The following HAPLN1 variants were observed in gnomAD, a reference collection of about 807,000 sequenced individuals.
HAPLN1 encodes hyaluronan and proteoglycan link protein 1.
In HAPLN1, 13 loss-of-function variants were observed where a neutral mutation model predicts 36.5. That is an observed-to-expected ratio of 0.36 (90% CI 0.23 to 0.57). HAPLN1 has a LOEUF of 0.57. Among genes scored for constraint, HAPLN1 ranks in the 20% least tolerant of loss-of-function variants. HAPLN1 has a pLI of 0.83. For synonymous variants in HAPLN1, 202 were observed against 169.8 expected (o/e 1.19, Z -1.48); for missense variants, 407 against 439.7 (o/e 0.93, Z 0.66).
rs1749600587 is a variant in HAPLN1, at chr5:83,638,932, T to G, written c.*2564A>C. On this transcript the variant is annotated 3_prime_UTR_variant, in exon 5 of 5. Coordinates refer to ENST00000274341, the MANE Select transcript of HAPLN1 (RefSeq NM_001884.4). ...ACTTTGTTCCTTATATGGTCACCAG[T>G]GTTAATTATGGACAAATACATTAAA... is the stretch of plus-strand genomic sequence containing the variant. The G allele has an allele frequency of 6.6e-6, 1 of 152,040 alleles. No individual in the cohort carries two copies. The highest frequency in any genetic ancestry group is 2.4e-5 in the African/African-American group (1 of 41,440). The allele number at this position is 152,040 out of a possible 1,614,324, so 9.4% of individuals were successfully genotyped here. A position where few individuals can be genotyped will look rare whatever the true frequency, so the allele number is the denominator to read the frequency against.
At chr5:83,650,632 C>CTTTTTTTTT (rs5869195) in intron 3 of HAPLN1, among the ~76,000 whole-genome samples, 1 of 103,764 alleles carries the variant, frequency 9.6e-6, no homozygotes, top group Non-Finnish European at 1.8e-5. Context: ...AAATTCTTTT[C>CTTTTTTTTT]TTTTTTTTTT....
chr5:83,680,876 A>C (rs1052646106), intron 1 of HAPLN1, among the ~76,000 whole-genome samples: 1 of 152,186 alleles, frequency 6.6e-6, no homozygotes, highest in Non-Finnish European at 1.5e-5. Flanking sequence ...AATTATTAAA[A>C]GATAATTAAA....
At chr5:83,695,887 A>G (rs780426597) in intron 1 of HAPLN1, among the ~76,000 whole-genome samples, 2 of 151,990 alleles carry the variant, frequency 1.3e-5, no homozygotes, top group Non-Finnish European at 2.9e-5. Context: ...CGTTTTTACC[A>G]TTTACTTTAA....
chr5:83,701,343 C>T (rs1751502351), intron 1 of HAPLN1, among the ~76,000 whole-genome samples: 2 of 152,228 alleles, frequency 1.3e-5, no homozygotes, highest in South Asian at 4.1e-4. Context: ...TGCACACTGT[C>T]AGGAAGAATT....
intron 1 of HAPLN1, among the ~76,000 whole-genome samples, chr5:83,678,880 T>A (rs1047944523): frequency 6.6e-6 from 1 of 152,214 alleles, no homozygotes; most frequent in Non-Finnish European, 1.5e-5. Flanking sequence ...TGAACTATAG[T>A]TCTCAGATCC....
At chr5:83,670,994 T>G (rs755754920) in intron 2 of HAPLN1, among the ~76,000 whole-genome samples, 8 of 151,894 alleles carry the variant, frequency 5.3e-5, no homozygotes, top group East Asian at 1.9e-4. Flanking sequence ...TGCCTGGCTT[T>G]CTTTCTTTCT....
In HAPLN1 at chr5:83,648,395, C is replaced by CTATATATA. The variant is rs56115447; in HGVS notation, c.473-3738_473-3731dup. On this transcript the variant is annotated intron_variant, in intron 3 of 4. Coordinates refer to ENST00000274341, the MANE Select transcript of HAPLN1 (RefSeq NM_001884.4). ...GGATGTGGCCTCTTCCTATATTTGA[C>CTATATATA]TATATATATATATATATATATATAT... Among the ~76,000 whole-genome samples, 526 of 60,554 alleles carry CTATATATA rather than the reference C, an allele frequency of 8.7e-3. 17 individuals are homozygous for CTATATATA. Among genetic ancestry groups the CTATATATA allele is most frequent in the East Asian group, 0.015 (15 of 1,004 alleles). The allele number at this position is 60,554 out of a possible 152,430, so 39.7% of individuals were successfully genotyped here.
chr5:83,706,174 G>A (rs541106812), intron 1 of HAPLN1, among the ~76,000 whole-genome samples: 1 of 146,394 alleles, frequency 6.8e-6, no homozygotes, highest in South Asian at 2.2e-4. Context: ...GTACAAGAAA[G>A]AGCTTGTACC....
In HAPLN1 at chr5:83,685,377, G is replaced by C. The variant is rs72772921; in HGVS notation, c.-26-11828C>G. Among the ~76,000 whole-genome samples, 4,259 of 152,190 alleles carry C rather than the reference G, an allele frequency of 0.028. 276 individuals are homozygous for C. The East Asian group carries it at 0.3, about 11-fold the overall frequency. On this transcript the variant is annotated intron_variant, in intron 1 of 4. Coordinates refer to ENST00000274341, the MANE Select transcript of HAPLN1 (RefSeq NM_001884.4). ...TCCAGAATTGCACAGTATACAACCTGCACAACCGTATGCTGCAGACTTCTA... is the reference window on the plus strand; with the variant it reads ...TCCAGAATTGCACAGTATACAACCTCCACAACCGTATGCTGCAGACTTCTA...
In HAPLN1 at chr5:83,652,625, G is replaced by A; in HGVS notation, c.300C>T (p.Tyr100=). 1 of 1,613,916 alleles carries A rather than the reference G, an allele frequency of 6.2e-7. No individual in the cohort carries two copies. The highest frequency in any genetic ancestry group is 8.5e-7 in the Non-Finnish European group (1 of 1,179,942). ...GGTAGCCTCCATAGGTTTTTTTGTG[G>A]TATCCCATGGAAACAAAAACATCCA... The part of the protein sequence containing the change: ...KEVDVFVSMG[Y]HKKTYGGYQG... The change falls in exon 3 of 5, where the codon TAC becomes TAT. Residue 100 remains tyrosine, a synonymous_variant. Transcript: ENST00000274341.
At chr5:83,694,834 C>T (rs1339827735) in intron 1 of HAPLN1, among the ~76,000 whole-genome samples, 1 of 151,968 alleles carries the variant, frequency 6.6e-6, no homozygotes, top group Non-Finnish European at 1.5e-5. Flanking sequence ...TTTCACCAAA[C>T]ATTTAAAGAA....
At chr5:83,712,354 A>G (rs1751809860) in intron 1 of HAPLN1, among the ~76,000 whole-genome samples, 1 of 152,118 alleles carries the variant, frequency 6.6e-6, no homozygotes, top group South Asian at 2.1e-4. Flanking sequence ...TGCTGACTTG[A>G]AAATGGAGCA....
chr5:83,718,194 C>T (rs561049280), intron 1 of HAPLN1, among the ~76,000 whole-genome samples: 7 of 152,186 alleles, frequency 4.6e-5, no homozygotes, highest in Non-Finnish European at 1.0e-4. Flanking sequence ...GTAAAGTGAT[C>T]TTAAATACAA....
chr5:83,682,618 C>T (rs910505354), intron 1 of HAPLN1: 7 of 152,110 alleles, frequency 4.6e-5, no homozygotes, highest in Non-Finnish European at 7.3e-5. Context: ...CCCCATCCTA[C>T]GTCAAAACAT....
chr5:83,645,423 C>A (rs897823505), intron 3 of HAPLN1, among the ~76,000 whole-genome samples: 8 of 150,244 alleles, frequency 5.3e-5, no homozygotes, highest in South Asian at 4.3e-4. Context: ...AATCTGTAAA[C>A]TCTCTTAAAA....
intron 1 of HAPLN1, among the ~76,000 whole-genome samples, chr5:83,706,597 A>G (rs1751658721): frequency 6.6e-6 from 1 of 152,212 alleles, no homozygotes; most frequent in Non-Finnish European, 1.5e-5. Flanking sequence ...AGTAAGAACC[A>G]TCTATAACAA....
At chr5:83,676,122 A>G (rs1269826091) in intron 1 of HAPLN1, among the ~76,000 whole-genome samples, 2 of 151,926 alleles carry the variant, frequency 1.3e-5, no homozygotes, top group African/African-American at 2.4e-5. Context: ...TACCATGAAC[A>G]AAGTCTTGGT....
intron 1 of HAPLN1, among the ~76,000 whole-genome samples, chr5:83,702,778 C>T (rs1751541403): frequency 1.3e-5 from 2 of 151,720 alleles, no homozygotes; most frequent in Admixed American, 6.6e-5. Flanking sequence ...CGCCCTGTTG[C>T]CCAGGCTGGA....
chr5:83,640,088 T>G lies in HAPLN1; in HGVS notation c.*1408A>C, dbSNP rs376971196. On this transcript the variant is annotated 3_prime_UTR_variant, in exon 5 of 5. Transcript: ENST00000274341. Reference sequence around the variant, plus strand: ...CTATGTCATACTTGGATTATTATAGTAAATCCCATTTATTAGAACTCATTG... The same window carrying G: ...CTATGTCATACTTGGATTATTATAGGAAATCCCATTTATTAGAACTCATTG... 3.9e-5 allele frequency: 6 copies of G among 152,188 alleles called. No homozygotes were observed. Among genetic ancestry groups the G allele is most frequent in the Non-Finnish European group, 7.4e-5 (5 of 67,990 alleles). The allele number at this position is 152,188 out of a possible 1,614,324, so 9.4% of individuals were successfully genotyped here.
Sources: gnomAD v4.1 joint callset for allele counts (sites outside exome capture counted in the v4.1 genomes callset) on GRCh38, gnomAD v4.1.1 for gene constraint, MANE v1.5 for transcripts, NCBI Gene and HGNC (gene_info 2026-07-23, HGNC 2026-07-21) for gene names.